The following TTC7A variants were observed in gnomAD, a reference collection of about 807,000 sequenced individuals.
The protein encoded by TTC7A is tetratricopeptide repeat protein 7A.
A neutral mutation model predicts 103.7 loss-of-function variants in TTC7A; 110 were observed. The ratio of observed to expected loss-of-function variants is 1.06; its 90% CI spans 0.91 to 1.24. TTC7A has a LOEUF of 1.24. Among genes scored for constraint, TTC7A ranks in the 50% most tolerant of loss-of-function variants. The pLI is 0.00. For synonymous variants in TTC7A, 521 were observed against 467.9 expected, an observed-to-expected ratio of 1.11 and a Z score of -1.47; for missense variants, 1,340 against 1,116.3, an observed-to-expected ratio of 1.20 and a Z score of -2.86.
At chr2:47,053,623 G>A (rs1683080493) in intron 18 of TTC7A, among the ~76,000 whole-genome samples, 1 of 152,056 alleles carries the variant, frequency 6.6e-6, no homozygotes, top group Admixed American at 6.6e-5. Flanking sequence ...CCAGGCTGGA[G>A]TGCAGTGGTG....
chr2:46,931,692 T>TAATAAATAAATAAATA (rs10524721), intron 2 of TTC7A, among the ~76,000 whole-genome samples: 1,834 of 148,604 alleles, frequency 0.012, 25 homozygotes, highest in African/African-American at 0.031. Context: ...AAACAGACAA[T>TAATAAATAAATAAATA]AATAAATAAA....
chr2:47,054,851 G>A (rs1040213176), intron 18 of TTC7A, among the ~76,000 whole-genome samples: 41 of 135,380 alleles, frequency 3.0e-4, no homozygotes, highest in Admixed American at 5.8e-4. Context: ...AAAAAAAAAA[G>A]TCAGGGGATC....
At chr2:47,042,635 TCAAA>T (rs750372222) in intron 15 of TTC7A, among the ~76,000 whole-genome samples, 12 of 152,316 alleles carry the variant, frequency 7.9e-5, no homozygotes, top group Non-Finnish European at 1.6e-4. Context: ...TATTCTGGTC[TCAAA>T]CAGTCATATT....
intron 10 of TTC7A, among the ~76,000 whole-genome samples, chr2:47,010,538 G>T (rs1193974628): frequency 6.9e-6 from 1 of 144,940 alleles, no homozygotes; most frequent in African/African-American, 2.5e-5. Flanking sequence ...GTCCTCAGCA[G>T]GTCCAGTCTG....
intron 5 of TTC7A, among the ~76,000 whole-genome samples, chr2:46,985,545 G>A (rs765059201): frequency 2.6e-5 from 4 of 152,204 alleles, no homozygotes; most frequent in Non-Finnish European, 5.9e-5. Context: ...CAGGTAGAAT[G>A]CAAATGCCTT....
chr2:47,034,907 GT>G (rs1209555977), intron 15 of TTC7A, among the ~76,000 whole-genome samples: 1 of 152,178 alleles, frequency 6.6e-6, no homozygotes, highest in Non-Finnish European at 1.5e-5. Context: ...GCCAGAGCAC[GT>G]GCCTGTAAAC....
rs1671313916 is a variant in TTC7A, at chr2:46,950,528, T to C, written c.348+2T>C. The C allele has an allele frequency of 6.2e-7, 1 of 1,613,986 alleles. No homozygotes were observed. The highest frequency in any genetic ancestry group is 8.5e-7 in the Non-Finnish European group (1 of 1,179,956). ...ATCCTTAACCATGGGAGGCTCTCGG[T>C]AAGTCGTCAGCCTTCAAGCCTGAGA... On this transcript the variant is annotated splice_donor_variant, in intron 2 of 19. Transcript: ENST00000319190. LOFTEE classifies it high-confidence loss of function.
At chr2:47,018,403 T>G (rs1203781333) in intron 11 of TTC7A, among the ~76,000 whole-genome samples, 1 of 151,796 alleles carries the variant, frequency 6.6e-6, no homozygotes, top group Non-Finnish European at 1.5e-5. Context: ...GGCAACATGG[T>G]GAAACCCTGT....
In TTC7A at chr2:47,021,971, C is replaced by A; in HGVS notation, c.1502C>A (p.Ala501Asp). ...CTGGGTCTCACCTATAGCCTGCAGG[C>A]CACCGACGGTGAGTGCCAGGCCCCA... ...LALGLTYSLQ[A>D]TDATLKSKQD... The change falls in exon 12 of 20, where the codon GCC becomes GAC. Residue 501 changes from alanine (A) to aspartate (D), a missense_variant. By Grantham distance (126) the Ala-to-Asp change is moderately radical. Coordinates refer to ENST00000319190, the MANE Select transcript of TTC7A (RefSeq NM_020458.4). The A allele has an allele frequency of 6.2e-7, 1 of 1,610,376 alleles. No individual in the cohort carries two copies. Among genetic ancestry groups the A allele is most frequent in the Non-Finnish European group, 8.5e-7 (1 of 1,177,074 alleles).
chr2:47,033,408 A>G (rs1205691278), intron 15 of TTC7A, among the ~76,000 whole-genome samples: 1 of 152,190 alleles, frequency 6.6e-6, no homozygotes, highest in Non-Finnish European at 1.5e-5. Flanking sequence ...TCTGCATGGG[A>G]TCCCAGAGCC....
At chr2:47,048,898 TG>T (rs1419030277) in intron 16 of TTC7A, among the ~76,000 whole-genome samples, 1 of 152,180 alleles carries the variant, frequency 6.6e-6, no homozygotes, top group Non-Finnish European at 1.5e-5. Flanking sequence ...CCTCCATGCC[TG>T]GCCTGTCTCT....
intron 5 of TTC7A, among the ~76,000 whole-genome samples, chr2:46,989,725 G>A (rs1438990136): frequency 6.6e-6 from 1 of 151,884 alleles, no homozygotes; most frequent in Non-Finnish European, 1.5e-5. Flanking sequence ...GAGCTTACAT[G>A]CTAGAGTAAA....
At chr2:47,059,885 G>T (rs995548243) in intron 18 of TTC7A, among the ~76,000 whole-genome samples, 14 of 152,094 alleles carry the variant, frequency 9.2e-5, no homozygotes, top group Admixed American at 8.5e-4. Context: ...TGCAAGGTGC[G>T]GTGGCTCATG....
Position 47,006,259 on chromosome 2 carries a change from T to C in TTC7A, c.1203+200T>C, listed in dbSNP as rs140807327. On this transcript the variant is annotated intron_variant, in intron 9 of 19. Coordinates refer to ENST00000319190, the MANE Select transcript of TTC7A (RefSeq NM_020458.4). ...TTAGAGAACCCACCTGACAAGGTTG[T>C]TGGGGAGAGTGCATGTGAAAGGCTG... Among the ~76,000 whole-genome samples, 1,244 of 152,300 alleles carry C rather than the reference T, an allele frequency of 8.2e-3. 16 individuals are homozygous for C. The highest frequency in any genetic ancestry group is 0.028 in the African/African-American group (1,176 of 41,568).
intron 18 of TTC7A, among the ~76,000 whole-genome samples, chr2:47,058,949 G>A (rs769659260): frequency 6.8e-6 from 1 of 146,516 alleles, no homozygotes; most frequent in Non-Finnish European, 1.5e-5. Flanking sequence ...TGGGAGTCCA[G>A]CCCTGGCTTT....
At chr2:46,963,485 G>T (rs1672566870) in intron 3 of TTC7A, among the ~76,000 whole-genome samples, 2 of 152,326 alleles carry the variant, frequency 1.3e-5, no homozygotes, top group South Asian at 4.1e-4. Context: ...CAGTTTCTTA[G>T]CTTGGAGATG....
At chr2:46,969,927 C>G (rs1420992328) in intron 3 of TTC7A, among the ~76,000 whole-genome samples, 2 of 152,186 alleles carry the variant, frequency 1.3e-5, no homozygotes, top group Non-Finnish European at 2.9e-5. Flanking sequence ...GACTGTTCAA[C>G]TGGTTTAGAC....
chr2:47,018,491 G>A (rs1264227065), intron 11 of TTC7A, among the ~76,000 whole-genome samples: 1 of 151,228 alleles, frequency 6.6e-6, no homozygotes, highest in East Asian at 1.9e-4. Context: ...GGCTGAGGCA[G>A]GAGAACCATT....
intron 5 of TTC7A, among the ~76,000 whole-genome samples, chr2:46,990,430 A>G (rs1307082450): frequency 3.9e-5 from 6 of 152,202 alleles, no homozygotes; most frequent in African/African-American, 2.4e-5. Flanking sequence ...TCTGTGGGGC[A>G]GAGGGCTGGT....
Sources: gnomAD v4.1 joint callset for allele counts (sites outside exome capture counted in the v4.1 genomes callset) on GRCh38, gnomAD v4.1.1 for gene constraint, MANE v1.5 for transcripts, NCBI Gene and HGNC (gene_info 2026-07-23, HGNC 2026-07-21) for gene names.